The following LRRK1 variants were observed in gnomAD, a reference collection of about 807,000 sequenced individuals.
LRRK1 encodes leucine-rich repeat serine/threonine-protein kinase 1.
In LRRK1, 113 loss-of-function variants were observed where a neutral mutation model predicts 209.1. The observed-to-expected ratio is 0.54, with a 90% CI of 0.46 to 0.63. The LOEUF (loss-of-function observed/expected upper bound fraction) is 0.63. Among genes scored for constraint, LRRK1 ranks in the 30% least tolerant of loss-of-function variants. LRRK1 has a pLI of 0.00. For missense variants in LRRK1, 2,284 were observed against 2,632.2 expected (o/e 0.87, Z 2.89); for synonymous variants, 1,144 against 1,099.7 (o/e 1.04, Z -0.80).
At chr15:101,013,549 G>T (rs2033382846) in intron 10 of LRRK1, among the ~76,000 whole-genome samples, 1 of 152,176 alleles carries the variant, frequency 6.6e-6, no homozygotes, top group South Asian at 2.1e-4. Flanking sequence ...AGGAGTTTGA[G>T]GCTGTAGCAA....
At chr15:100,940,079 G>A (rs1181426126) in intron 2 of LRRK1, among the ~76,000 whole-genome samples, 1 of 152,170 alleles carries the variant, frequency 6.6e-6, no homozygotes, top group Non-Finnish European at 1.5e-5. Context: ...TCCTGCCCCG[G>A]ATGCACGATG....
chr15:101,024,759 T>G lies in LRRK1; in HGVS notation c.2068-44T>G. On this transcript the variant is annotated intron_variant, in intron 15 of 33. Transcript: ENST00000388948. This position sits in a 1 kb window ranked among gnomAD's most constrained non-coding sequence, Gnocchi z 4.6. ...TCTCCGTTTGATTGACTGAAGCCTT[T>G]GTCTCTAAAATGCCTCCCTGTCGCT... is the stretch of plus-strand genomic sequence containing the variant. The G allele has an allele frequency of 6.3e-7, 1 of 1,593,354 alleles. No individual in the cohort carries two copies. The highest frequency in any genetic ancestry group is 1.3e-5 in the African/African-American group (1 of 74,656).
In LRRK1 at chr15:101,066,704, A is replaced by G; in HGVS notation, c.5833A>G (p.Ile1945Val). 6.2e-7 allele frequency: 1 copy of G among 1,614,196 alleles called. No homozygotes were observed. Among genetic ancestry groups the G allele is most frequent in the South Asian group, 1.1e-5 (1 of 91,082 alleles). Residue 1945 changes from isoleucine to valine, a missense_variant, in exon 33 of 34, where the codon ATT becomes GTT. Physicochemically the swap from Ile to Val is conservative, Grantham distance 29. This residue lies in a region of LRRK1 where 643 missense variants were observed against 695.9 expected (regional missense o/e 0.92). Transcript: ENST00000388948. ...KDSGAQRGRV[I>V]AVLKARELTP... ...TTCTGGCGCCCAGCGGGGCCGAGTC[A>G]TTGCCGTCTTAAAAGCCCGAGAGCT...
At chr15:101,060,791 C>T (rs2036124162) in intron 29 of LRRK1, among the ~76,000 whole-genome samples, 1 of 151,954 alleles carries the variant, frequency 6.6e-6, no homozygotes, top group Non-Finnish European at 1.5e-5. Context: ...CCCGCCCCAA[C>T]CCAATCTCCT....
Position 100,919,478 on chromosome 15 carries a change from C to A in LRRK1, c.-123+27C>A, listed in dbSNP as rs963465950. On this transcript the variant is annotated intron_variant, in intron 1 of 33. Transcript: ENST00000388948. This position sits in a 1 kb window ranked among gnomAD's most constrained non-coding sequence, Gnocchi z 5.8. ...TAAGCGCCGCTCCTGCCGGCGCCCC[C>A]CGGCGGCCTGGCTGCCTCCCGGCCC... The A allele has an allele frequency of 2.7e-5, 4 of 147,806 alleles. No individual in the cohort carries two copies. The highest frequency in any genetic ancestry group is 7.3e-5 in the African/African-American group (3 of 40,956). 9.2% of individuals were successfully genotyped at this position (147,806 alleles called of 1,614,324 possible). A position where few individuals can be genotyped will look rare whatever the true frequency, so the allele number is the denominator to read the frequency against.
intron 2 of LRRK1, among the ~76,000 whole-genome samples, chr15:100,938,155 G>A (rs61644218): frequency 0.19 from 28,872 of 151,746 alleles, 5,906 homozygotes; most frequent in African/African-American, 0.52. Flanking sequence ...CACCACACCC[G>A]GCCACTTTTT....
intron 8 of LRRK1, 23 bp downstream of exon 8, chr15:101,010,600 G>A: frequency 6.2e-7 from 1 of 1,606,474 alleles, no homozygotes; most frequent in Non-Finnish European, 8.5e-7. Flanking sequence ...ATCAACTTGA[G>A]TGAATTAGTC....
intron 2 of LRRK1, among the ~76,000 whole-genome samples, chr15:100,932,901 G>A (rs1453882875): frequency 6.6e-6 from 1 of 152,134 alleles, no homozygotes; most frequent in Non-Finnish European, 1.5e-5. Context: ...TTACATTTGT[G>A]ACTTTAAATG....
intron 10 of LRRK1, among the ~76,000 whole-genome samples, chr15:101,012,897 C>T (rs1266222239): frequency 1.3e-5 from 2 of 150,524 alleles, no homozygotes; most frequent in Non-Finnish European, 3.0e-5. Context: ...CGCGGGGTGC[C>T]CCCGGGGGGG....
In LRRK1 at chr15:100,988,780, G is replaced by A. The variant is rs370235958; in HGVS notation, c.580G>A (p.Val194Met). Residue 194 changes from valine (V) to methionine (M), a missense_variant, in exon 5 of 34, where the codon GTG becomes ATG. Val to Met is a conservative substitution (Grantham distance 21). This residue lies in a region of LRRK1 where 134 missense variants were observed against 191.7 expected (regional missense o/e 0.70). Coordinates refer to ENST00000388948, the MANE Select transcript of LRRK1 (RefSeq NM_024652.6). ...CAGGAAGAATGAGTTCCCTGTCATC[G>A]TGCGCTTGCCCCTGTATGCGGCCAT... ...AVRKNEFPVIVRLPLYAAIKS... is the reference protein window; with the variant it reads ...AVRKNEFPVIMRLPLYAAIKS... 48 of 1,610,862 alleles carry A rather than the reference G, an allele frequency of 3.0e-5. No homozygotes were observed. The highest frequency in any genetic ancestry group is 1.5e-4 in the Admixed American group (9 of 59,906).
chr15:101,012,113 A>G lies in LRRK1; in HGVS notation c.1387A>G (p.Lys463Glu), dbSNP rs768909431. ...TGTGGATTTCTCAGAAAACGCACTC[A>G]AAGAAGTTCCCCTGGGACTTTTCCA... ...KDVDFSENAL[K>E]EVPLGLFQLD... Residue 463 changes from lysine (K) to glutamate (E), a missense_variant, in exon 10 of 34, where the codon AAA becomes GAA. Coordinates refer to ENST00000388948, the MANE Select transcript of LRRK1 (RefSeq NM_024652.6). 5 of 1,612,316 alleles carry G rather than the reference A, an allele frequency of 3.1e-6. No individual in the cohort carries two copies. In the East Asian group the frequency reaches 8.9e-5, roughly 29 times the overall value.
At chr15:101,033,712 G>C (rs141443234) in intron 20 of LRRK1, among the ~76,000 whole-genome samples, 292 of 152,248 alleles carry the variant, frequency 1.9e-3, no homozygotes, top group African/African-American at 6.6e-3. Context: ...ATTTTGAATA[G>C]TGCTGCAATA....
chr15:100,974,160 G>A (rs2031152489), intron 3 of LRRK1, 193 bp downstream of exon 3: 3 of 428,122 alleles, frequency 7.0e-6, no homozygotes, highest in Non-Finnish European at 1.2e-5. Flanking sequence ...TATCACCTAA[G>A]CAGGCCCCTG....
intron 2 of LRRK1, among the ~76,000 whole-genome samples, chr15:100,944,839 A>G (rs1156561534): frequency 5.3e-5 from 8 of 152,238 alleles, no homozygotes; most frequent in Non-Finnish European, 8.8e-5. Flanking sequence ...TTCAAAAATC[A>G]TAAGTATCGA....
intron 28 of LRRK1, among the ~76,000 whole-genome samples, chr15:101,057,448 T>G (rs2035875748): frequency 1.3e-5 from 2 of 152,286 alleles, no homozygotes; most frequent in Admixed American, 1.3e-4. Flanking sequence ...ACGGTGGTGT[T>G]TTTGTGTTTT....
Position 101,073,792 on chromosome 15 carries a change from C to T in LRRK1, c.*4944C>T, listed in dbSNP as rs933242909. On this transcript the variant is annotated 3_prime_UTR_variant, in exon 34 of 34. Transcript: ENST00000388948. The stretch of plus-strand genomic sequence containing the variant: ...CTTTTCTTTAAACTTGCCTCCTTCA[C>T]TGTAGGCAACCTTCCACTCTCCATT... 2 of 152,180 alleles carry T rather than the reference C, an allele frequency of 1.3e-5. No homozygotes were observed. The highest frequency in any genetic ancestry group is 3.8e-4 in the East Asian group (2 of 5,196). 9.4% of individuals were successfully genotyped at this position (152,180 alleles called of 1,614,324 possible). A position where few individuals can be genotyped will look rare whatever the true frequency, so the allele number is the denominator to read the frequency against.
chr15:100,949,029 G>GA (rs1470942344), intron 2 of LRRK1, among the ~76,000 whole-genome samples: 2 of 151,834 alleles, frequency 1.3e-5, no homozygotes, highest in East Asian at 1.9e-4. Flanking sequence ...AATTAGAGCA[G>GA]AAAAAAATAA....
At position 100,974,576 on chromosome 15, in the gene LRRK1, G is replaced by A. The variant is rs2031182662; in HGVS notation, c.261+609G>A. Among the ~76,000 whole-genome samples the A allele has an allele frequency of 2.6e-5, 4 of 152,280 alleles. No homozygotes were observed. In the South Asian group the frequency reaches 8.3e-4, roughly 32 times the overall value. On this transcript the variant is annotated intron_variant, in intron 3 of 33. Transcript: ENST00000388948. ...TGTAGGCGTCTCCTTCAATGGCTAC[G>A]TGACACTCCATCTAGAGGGACCGTG...
intron 2 of LRRK1, among the ~76,000 whole-genome samples, chr15:100,949,643 T>G (rs1157378639): frequency 6.6e-6 from 1 of 152,124 alleles, no homozygotes; most frequent in Non-Finnish European, 1.5e-5. Context: ...GCAAACCGAA[T>G]TTAGTAACAC....
Sources: gnomAD v4.1 joint callset for allele counts (sites outside exome capture counted in the v4.1 genomes callset) on GRCh38, gnomAD v4.1.1 for gene constraint, gnomAD v4.1.1 regional missense constraint, Gnocchi (gnomAD v3.1) non-coding constraint, MANE v1.5 for transcripts, NCBI Gene and HGNC (gene_info 2026-07-23, HGNC 2026-07-21) for gene names.